Variants in ANO3 observed in about 807,000 individuals in gnomAD.
ANO3 encodes anoctamin 3, also known as anoctamin-3.
In ANO3, 99 loss-of-function variants were observed where a neutral mutation model predicts 144.8. The ratio of observed to expected loss-of-function variants is 0.68; its 90% CI spans 0.58 to 0.81. The LOEUF (loss-of-function observed/expected upper bound fraction) is 0.81. Among genes scored for constraint, ANO3 ranks in the 30% least tolerant of loss-of-function variants. The pLI, the probability that ANO3 is intolerant of heterozygous loss-of-function variation, is 0.00. For missense variants in ANO3, 905 were observed against 1,202.2 expected (o/e 0.75, Z 3.66); for synonymous variants, 414 against 392.6 (o/e 1.05, Z -0.64).
chr11:26,649,756 A>G (rs1590677943), intron 24 of ANO3, among the ~76,000 whole-genome samples: 3 of 151,860 alleles, frequency 2.0e-5, no homozygotes, highest in Middle Eastern at 6.8e-3. Flanking sequence ...ATATATATTC[A>G]TAGCCCTTAT....
chr11:26,573,182 A>C (rs1416148554), intron 14 of ANO3, among the ~76,000 whole-genome samples: 1 of 152,196 alleles, frequency 6.6e-6, no homozygotes. Flanking sequence ...GCTAAAATGC[A>C]GGAGCTAGTA....
At chr11:26,467,657 C>G (rs546390558) in intron 4 of ANO3, among the ~76,000 whole-genome samples, 81 of 145,708 alleles carry the variant, frequency 5.6e-4, no homozygotes, top group African/African-American at 2.0e-3. Flanking sequence ...ATATGTTCCA[C>G]TTTTTTTTTT....
Position 26,404,926 on chromosome 11 carries a change from T to TAC in ANO3, c.47-36991_47-36990insCA, listed in dbSNP as rs1491551662. On this transcript the variant is annotated intron_variant, in intron 1 of 26. Coordinates refer to ENST00000256737, the MANE Select transcript of ANO3 (RefSeq NM_031418.4). ...CAGTGGCTAATTTCAGCAAGGAATT[T>TAC]ATATATATGTGTGTGTGTGTGTGTG... is the stretch of plus-strand genomic sequence containing the variant. Among the ~76,000 whole-genome samples the TAC allele has an allele frequency of 8.8e-4, 32 of 36,226 alleles. 1 individual carries two copies. In the East Asian group the frequency reaches 0.019, roughly 22 times the overall value. The allele number at this position is 36,226 out of a possible 152,430, so 23.8% of individuals were successfully genotyped here. A position where few individuals can be genotyped will look rare whatever the true frequency, so the allele number is the denominator to read the frequency against.
At position 26,461,127 on chromosome 11, in the gene ANO3, C is replaced by G. The variant is rs1340201043; in HGVS notation, c.314-1903C>G. Among the ~76,000 whole-genome samples, 4 of 151,894 alleles carry G rather than the reference C, an allele frequency of 2.6e-5. No homozygotes were observed. In the East Asian group the frequency reaches 7.8e-4, roughly 29 times the overall value. On this transcript the variant is annotated intron_variant, in intron 3 of 26. Transcript: ENST00000256737. ...GAGAGCGAGAGCAAGCGAGCGAGCG[C>G]GAGAGTGCCTACCGGGGGAAAGGAA...
intron 17 of ANO3, among the ~76,000 whole-genome samples, chr11:26,604,697 T>G (rs942449017): frequency 6.6e-6 from 1 of 152,198 alleles, no homozygotes; most frequent in Non-Finnish European, 1.5e-5. Context: ...AGTTCATTTA[T>G]GATTTGGCTC....
intron 14 of ANO3, among the ~76,000 whole-genome samples, chr11:26,591,908 A>G (rs1360815399): frequency 2.0e-5 from 3 of 152,096 alleles, no homozygotes; most frequent in African/African-American, 7.2e-5. Flanking sequence ...AGCCACTTTA[A>G]CCATGGTTGG....
chr11:26,276,366 A>T (rs1853560596), intron 1 of ANO3, among the ~76,000 whole-genome samples: 1 of 152,134 alleles, frequency 6.6e-6, no homozygotes, highest in East Asian at 1.9e-4. Context: ...AGTCTGAATC[A>T]GGGCCCATCA....
At chr11:26,388,599 C>G (rs1009427991) in intron 1 of ANO3, among the ~76,000 whole-genome samples, 23 of 152,220 alleles carry the variant, frequency 1.5e-4, no homozygotes, top group African/African-American at 5.3e-4. Context: ...ATACGTATGA[C>G]TAGCAACTAA....
At chr11:26,284,411 C>G (rs1853753427) in intron 1 of ANO3, among the ~76,000 whole-genome samples, 1 of 152,058 alleles carries the variant, frequency 6.6e-6, no homozygotes, top group African/African-American at 2.4e-5. Context: ...ACACTTTTAT[C>G]GATGTGGAGA....
intron 14 of ANO3, among the ~76,000 whole-genome samples, chr11:26,561,722 T>G (rs1228635932): frequency 1.3e-5 from 2 of 152,004 alleles, no homozygotes; most frequent in African/African-American, 4.8e-5. Flanking sequence ...AGCTTATGTT[T>G]TCTTCTGATC....
intron 1 of ANO3, among the ~76,000 whole-genome samples, chr11:26,218,481 C>T: frequency 6.6e-6 from 1 of 152,092 alleles, no homozygotes; most frequent in East Asian, 1.9e-4. Context: ...GGGTTCTTCT[C>T]TGCTTCTTTA....
At chr11:26,559,884 A>C in intron 14 of ANO3, 105 bp downstream of exon 14, 1 of 828,098 alleles carries the variant, frequency 1.2e-6, no homozygotes, top group Non-Finnish European at 2.0e-6. Flanking sequence ...ACCATGAATC[A>C]ATTCAAAAAT....
At chr11:26,334,762 GA>G (rs1271508755) in intron 1 of ANO3, among the ~76,000 whole-genome samples, 3 of 152,172 alleles carry the variant, frequency 2.0e-5, no homozygotes, top group Non-Finnish European at 4.4e-5. Flanking sequence ...TAATTTAGCT[GA>G]AAAATCCAGT....
chr11:26,613,021 A>G (rs200569439), intron 17 of ANO3, among the ~76,000 whole-genome samples: 4 of 152,270 alleles, frequency 2.6e-5, no homozygotes, highest in East Asian at 3.9e-4. Context: ...TCCTGAATCT[A>G]TCTAGATATA....
At chr11:26,655,691 T>A (rs1853663982) in intron 24 of ANO3, among the ~76,000 whole-genome samples, 1 of 152,154 alleles carries the variant, frequency 6.6e-6, no homozygotes, top group Admixed American at 6.6e-5. Flanking sequence ...ATCGATAATT[T>A]TTCCAGCAAA....
At chr11:26,441,106 GTTTTTTTTTTTTT>G (rs1022676698) in intron 1 of ANO3, among the ~76,000 whole-genome samples, 2 of 86,552 alleles carry the variant, frequency 2.3e-5, no homozygotes. Flanking sequence ...TTGCTGCCCA[GTTTTTTTTTTTTT>G]TTTTTTTTTT....
At chr11:26,461,553 C>G (rs1345073198) in intron 3 of ANO3, among the ~76,000 whole-genome samples, 2 of 151,980 alleles carry the variant, frequency 1.3e-5, no homozygotes, top group African/African-American at 4.8e-5. Flanking sequence ...CTTCAATGTT[C>G]TATGAAGGCA....
At chr11:26,360,733 T>G (rs971526015) in intron 1 of ANO3, among the ~76,000 whole-genome samples, 1 of 152,190 alleles carries the variant, frequency 6.6e-6, no homozygotes, top group Non-Finnish European at 1.5e-5. Context: ...CTGCTCTACT[T>G]TGTCAATTTT....
rs73430249 is a variant in ANO3 at position 26,501,077 on chromosome 11, A to G, written c.433-7027A>G. ...CCACCACCAGAAAGTAATGAAAAACATTCCTATTATTAACAGATTCAGTAG... is the reference window on the plus strand; with the variant it reads ...CCACCACCAGAAAGTAATGAAAAACGTTCCTATTATTAACAGATTCAGTAG... On this transcript the variant is annotated intron_variant, in intron 4 of 26. Coordinates refer to ENST00000256737, the MANE Select transcript of ANO3 (RefSeq NM_031418.4). 7.4e-3 allele frequency among the ~76,000 whole-genome samples: 1,130 copies of G among 152,352 alleles called. 16 individuals are homozygous for G. The highest frequency in any genetic ancestry group is 0.026 in the African/African-American group (1,073 of 41,578).
Sources: gnomAD v4.1 joint callset for allele counts (sites outside exome capture counted in the v4.1 genomes callset) on GRCh38, gnomAD v4.1.1 for gene constraint, MANE v1.5 for transcripts, NCBI Gene and HGNC (gene_info 2026-07-23, HGNC 2026-07-21) for gene names.